MBTPS2: variants seen among roughly 807,000 people sequenced by gnomAD.
The protein encoded by MBTPS2 is membrane bound transcription factor peptidase, site 2, also known as membrane-bound transcription factor site-2 protease.
MBTPS2 carries 2 observed loss-of-function variants against 35.4 expected under a neutral mutation model. That is an observed-to-expected ratio of 0.06 (90% CI 0.02 to 0.18). The LOEUF (loss-of-function observed/expected upper bound fraction) is 0.18, where lower values mean the gene tolerates loss of function less well. Among genes scored for constraint, MBTPS2 ranks in the 10% least tolerant of loss-of-function variants. The pLI is 1.00. For missense variants in MBTPS2, 244 were observed against 386.5 expected, an observed-to-expected ratio of 0.63 and a Z score of 3.09; for synonymous variants, 125 against 140.4, an observed-to-expected ratio of 0.89 and a Z score of 0.77.
In MBTPS2 at chrX:21,883,737, A is replaced by T. The variant is rs2092961776; in HGVS notation, c.*1082A>T. On this transcript the variant is annotated 3_prime_UTR_variant, in exon 11 of 11. Transcript: ENST00000379484. Reference sequence around the variant, plus strand: ...TCTCCTAAGCTACCTCTCTGGGTCCACAGAAGACTTGGTAGTATAGTGAGA... The same window carrying T: ...TCTCCTAAGCTACCTCTCTGGGTCCTCAGAAGACTTGGTAGTATAGTGAGA... 11 of 751,606 alleles carry T rather than the reference A, an allele frequency of 1.5e-5. No homozygotes were observed. The highest frequency in any genetic ancestry group is 1.6e-5 in the Non-Finnish European group (10 of 638,691). 61.9% of individuals were successfully genotyped at this position (751,606 alleles called of 1,213,427 possible). A position where few individuals can be genotyped will look rare whatever the true frequency, so the allele number is the denominator to read the frequency against.
intron 1 of MBTPS2, among the ~76,000 whole-genome samples, chrX:21,841,024 T>G (rs2092902026): frequency 8.9e-6 from 1 of 111,842 alleles, no homozygotes. Flanking sequence ...TCGGAGCTTG[T>G]TAGAAATGCA....
chrX:21,879,949 C>CTTTTTTGTTTTTTTTTT (rs2092957282), intron 9 of MBTPS2, among the ~76,000 whole-genome samples: 1 of 47,425 alleles, frequency 2.1e-5, no homozygotes, highest in Non-Finnish European at 3.3e-5. Context: ...TTATGTTATT[C>CTTTTTTGTTTTTTTTTT]TTTTTTTTTT....
At position 21,884,555 on chromosome X, in the gene MBTPS2, A is replaced by G; in HGVS notation, c.*1900A>G. 1 of 754,106 alleles carries G rather than the reference A, an allele frequency of 1.3e-6. No homozygotes were observed. The highest frequency in any genetic ancestry group is 6.7e-5 in the South Asian group (1 of 14,841). 62.1% of individuals were successfully genotyped at this position (754,106 alleles called of 1,213,427 possible). ...AACTGTTAAACATTTTGATCTGTTGACCCATAGGATCAGGATTTGGGAACC... is the reference window on the plus strand; with the variant it reads ...AACTGTTAAACATTTTGATCTGTTGGCCCATAGGATCAGGATTTGGGAACC... On this transcript the variant is annotated 3_prime_UTR_variant, in exon 11 of 11. Coordinates refer to ENST00000379484, the MANE Select transcript of MBTPS2 (RefSeq NM_015884.4).
At chrX:21,846,047 G>T (rs1399546593) in intron 3 of MBTPS2, among the ~76,000 whole-genome samples, 1 of 111,744 alleles carries the variant, frequency 8.9e-6, no homozygotes, top group Non-Finnish European at 1.9e-5. Flanking sequence ...GTAGACTAAG[G>T]ATTAGTAACA....
intron 5 of MBTPS2, among the ~76,000 whole-genome samples, chrX:21,861,724 C>T (rs2092931583): frequency 1.8e-5 from 2 of 108,187 alleles, no homozygotes; most frequent in African/African-American, 3.3e-5. Flanking sequence ...AAAAAAAACA[C>T]GAAAAAGCAA....
chrX:21,842,179 C>G (rs968175626), intron 1 of MBTPS2, among the ~76,000 whole-genome samples: 1 of 111,731 alleles, frequency 9.0e-6, no homozygotes, highest in Non-Finnish European at 1.9e-5. Flanking sequence ...TATAACACAG[C>G]CTTATGTCAT....
intron 7 of MBTPS2, chrX:21,869,937 CA>C (rs1319616753): frequency 6.4e-6 from 2 of 312,453 alleles, no homozygotes; most frequent in Non-Finnish European, 1.1e-5. Context: ...TTTCTGCTTT[CA>C]AAACACTTGT....
At chrX:21,857,190 G>A in intron 5 of MBTPS2, 1 of 1,211,867 alleles carries the variant, frequency 8.3e-7, no homozygotes, top group Non-Finnish European at 1.1e-6. Flanking sequence ...TAAACAGCTG[G>A]CAGAATTTAC....
chrX:21,884,911 T>C lies in MBTPS2; in HGVS notation c.*2256T>C. 1 of 753,398 alleles carries C rather than the reference T, an allele frequency of 1.3e-6. No homozygotes were observed. Among genetic ancestry groups the C allele is most frequent in the South Asian group, 6.7e-5 (1 of 14,847 alleles). The allele number at this position is 753,398 out of a possible 1,213,427, so 62.1% of individuals were successfully genotyped here. Reference sequence around the variant, plus strand: ...GAGGGTCTTTGTGTCCCTGGCATATTATCATCTTCATGGAAAGAATCCACT... The same window carrying C: ...GAGGGTCTTTGTGTCCCTGGCATATCATCATCTTCATGGAAAGAATCCACT... On this transcript the variant is annotated 3_prime_UTR_variant, in exon 11 of 11. Coordinates refer to ENST00000379484, the MANE Select transcript of MBTPS2 (RefSeq NM_015884.4).
At chrX:21,881,387 A>G (rs2092959170) in intron 10 of MBTPS2, among the ~76,000 whole-genome samples, 1 of 111,807 alleles carries the variant, frequency 8.9e-6, no homozygotes, top group East Asian at 2.8e-4. Context: ...AATGCACAAG[A>G]AAGATCGAGC....
intron 5 of MBTPS2, among the ~76,000 whole-genome samples, chrX:21,866,824 C>T (rs966728276): frequency 6.4e-5 from 7 of 109,721 alleles, no homozygotes; most frequent in Admixed American, 9.8e-5. Context: ...GTCAGGAGTT[C>T]AAAACCAGTC....
In MBTPS2 at chrX:21,880,919, A is replaced by G. The variant is rs2092958634; in HGVS notation, c.1284A>G (p.Pro428=). The part of the protein sequence containing the change: ...HYTVSITSFI[P]RFNFLSIDLP... ...CAGTGAGCATCACCAGTTTTATCCC[A>G]CGTTTTAACTTTCTAAGCATAGATC... The change falls in exon 10 of 11, where the codon CCA becomes CCG. Residue 428 remains proline, a synonymous_variant. Transcript: ENST00000379484. The G allele has an allele frequency of 8.3e-7, 1 of 1,201,493 alleles. No homozygotes were observed. Among genetic ancestry groups the G allele is most frequent in the African/African-American group, 1.7e-5 (1 of 57,548 alleles).
chrX:21,871,640 A>T (rs927814808), intron 7 of MBTPS2: 27 of 112,089 alleles, frequency 2.4e-4, no homozygotes, highest in Admixed American at 2.2e-3. Context: ...TTTTCATTAT[A>T]GTTGATTTAA....
At chrX:21,856,422 C>T in intron 5 of MBTPS2, 1 of 1,138,657 alleles carries the variant, frequency 8.8e-7, no homozygotes. Context: ...TCCCACCTCA[C>T]TCCCCTCAGC....
At chrX:21,864,904 A>G (rs1224471882) in intron 5 of MBTPS2, among the ~76,000 whole-genome samples, 1 of 94,736 alleles carries the variant, frequency 1.1e-5, no homozygotes, top group Non-Finnish European at 2.1e-5. Flanking sequence ...TTTCTGAGAC[A>G]GGATATCACC....
intron 3 of MBTPS2, among the ~76,000 whole-genome samples, chrX:21,850,860 G>A (rs144674188): frequency 1.8e-5 from 2 of 111,347 alleles, no homozygotes; most frequent in Non-Finnish European, 3.8e-5. Context: ...CAATTTTAAT[G>A]TATTTGTGTA....
At chrX:21,865,793 G>GT (rs1187639165) in intron 5 of MBTPS2, among the ~76,000 whole-genome samples, 27 of 110,953 alleles carry the variant, frequency 2.4e-4, no homozygotes, top group South Asian at 7.5e-4. Flanking sequence ...GGTAGTTGTG[G>GT]TTTTTTTTTA....
chrX:21,878,210 AT>A, intron 8 of MBTPS2, 74 bp downstream of exon 8: 1 of 701,535 alleles, frequency 1.4e-6, no homozygotes. Context: ...CTAAAATGGA[AT>A]CTATGGAAAC....
At chrX:21,881,811 C>G (rs1421322149) in intron 10 of MBTPS2, among the ~76,000 whole-genome samples, 1 of 110,513 alleles carries the variant, frequency 9.0e-6, no homozygotes, top group Non-Finnish European at 1.9e-5. Flanking sequence ...TGGCATGCAC[C>G]TGTAGTCCCA....
Sources: allele counts gnomAD v4.1 joint callset (sites outside exome capture counted in the v4.1 genomes callset), GRCh38; gene constraint gnomAD v4.1.1; transcripts MANE v1.5; gene names NCBI Gene and HGNC (gene_info 2026-07-23, HGNC 2026-07-21).